PCDHGA2: variants seen among roughly 807,000 people sequenced by gnomAD.
The protein encoded by PCDHGA2 is protocadherin gamma-A2.
A neutral mutation model predicts 59.2 loss-of-function variants in PCDHGA2; 40 were observed. That is an observed-to-expected ratio of 0.68 (90% CI 0.52 to 0.88). The LOEUF (loss-of-function observed/expected upper bound fraction) is 0.88. PCDHGA2 is among the 40% of genes least tolerant of loss of function. PCDHGA2 has a pLI of 0.00. For missense variants in PCDHGA2, 1,226 were observed against 1,204.0 expected, an observed-to-expected ratio of 1.02 and a Z score of -0.27; for synonymous variants, 560 against 526.0, an observed-to-expected ratio of 1.06 and a Z score of -0.89.
intron 1 of PCDHGA2, among the ~76,000 whole-genome samples, chr5:141,467,055 C>CTTT (rs1193465269): frequency 2.2e-5 from 3 of 134,494 alleles, no homozygotes; most frequent in Admixed American, 7.5e-5. Context: ...TCAATGTTTT[C>CTTT]TTTTTTTTTT....
chr5:141,420,744 C>T (rs1202150921), intron 1 of PCDHGA2, among the ~76,000 whole-genome samples: 8 of 152,194 alleles, frequency 5.3e-5, no homozygotes, highest in Admixed American at 5.2e-4. Context: ...TCAATTGGAA[C>T]CAACTACAAC....
At chr5:141,397,546 T>C (rs576089094) in intron 1 of PCDHGA2, among the ~76,000 whole-genome samples, 2 of 152,300 alleles carry the variant, frequency 1.3e-5, no homozygotes, top group South Asian at 2.1e-4. Flanking sequence ...GAAATCAGTA[T>C]AGTATGAAGG....
At position 141,432,247 on chromosome 5, in the gene PCDHGA2, C is replaced by G. The variant is rs139910620; in HGVS notation, c.2425-62560C>G. 61 of 1,614,264 alleles carry G rather than the reference C, an allele frequency of 3.8e-5. No homozygotes were observed. The African/African-American group carries it at 6.3e-4, about 17-fold the overall frequency. On this transcript the variant is annotated intron_variant, in intron 1 of 3. Transcript: ENST00000394576. The surrounding 1 kb of genome is among the most constrained non-coding windows in gnomAD (Gnocchi z 6.0). ...CTTATTCCCTGGCTGAGAACACCAT[C>G]CAAGGGGCAAGCCTATCGTCCTACG...
At position 141,410,454 on chromosome 5, in the gene PCDHGA2, C is replaced by T. The variant is rs199849689; in HGVS notation, c.2424+69059C>T. 5,103 of 1,614,034 alleles carry T rather than the reference C, an allele frequency of 3.2e-3. 16 individuals are homozygous for T. Among genetic ancestry groups the T allele is most frequent in the Non-Finnish European group, 4.0e-3 (4,661 of 1,179,898 alleles). On this transcript the variant is annotated intron_variant, in intron 1 of 3. Transcript: ENST00000394576. ...TACAGTGAGGGGACTTTGCCTTATT[C>T]TTATAATCTGTGCATTGCACATACG... is the stretch of plus-strand genomic sequence containing the variant.
chr5:141,457,045 C>T (rs1489830197), intron 1 of PCDHGA2, among the ~76,000 whole-genome samples: 1 of 152,198 alleles, frequency 6.6e-6, no homozygotes, highest in African/African-American at 2.4e-5. Context: ...GATAGTAAAA[C>T]TTTCATGCTT....
chr5:141,368,141 G>T (rs1204786185), intron 1 of PCDHGA2, among the ~76,000 whole-genome samples: 1 of 151,994 alleles, frequency 6.6e-6, no homozygotes, highest in Non-Finnish European at 1.5e-5. Flanking sequence ...TTCAAATTTT[G>T]TACTTTTAAA....
At chr5:141,384,941 C>G in intron 1 of PCDHGA2, 1 of 1,614,104 alleles carries the variant, frequency 6.2e-7, no homozygotes, top group Non-Finnish European at 8.5e-7. Context: ...CTTGAGCCCT[C>G]CGACGGTCCT....
chr5:141,431,256 C>T lies in PCDHGA2; in HGVS notation c.2425-63551C>T. The stretch of plus-strand genomic sequence containing the variant: ...TGGGATCCGGATATCGGGAAGAACT[C>T]TCTGCAGAGCTACGAGCTCAGCCCG... On this transcript the variant is annotated intron_variant, in intron 1 of 3. Transcript: ENST00000394576. This position sits in a 1 kb window ranked among gnomAD's most constrained non-coding sequence, Gnocchi z 4.8. The T allele has an allele frequency of 6.2e-7, 1 of 1,614,194 alleles. No homozygotes were observed. Among genetic ancestry groups the T allele is most frequent in the South Asian group, 1.1e-5 (1 of 91,088 alleles).
At chr5:141,459,670 T>A (rs890411975) in intron 1 of PCDHGA2, among the ~76,000 whole-genome samples, 4 of 152,264 alleles carry the variant, frequency 2.6e-5, no homozygotes, top group African/African-American at 9.6e-5. Context: ...TACATTTTCA[T>A]GAGCAATGCA....
At chr5:141,343,875 A>G (rs1588456790) in intron 1 of PCDHGA2, 2 of 611,288 alleles carry the variant, frequency 3.3e-6, no homozygotes, top group South Asian at 5.8e-5. Flanking sequence ...AATCAGACTC[A>G]GAAGATCCGG....
chr5:141,340,930 T>G lies in PCDHGA2; in HGVS notation c.1959T>G (p.Pro653=), dbSNP rs912251215. The G allele has an allele frequency of 6.8e-6, 11 of 1,613,462 alleles. No homozygotes were observed. The highest frequency in any genetic ancestry group is 9.3e-6 in the Non-Finnish European group (11 of 1,179,844). The part of the protein sequence containing the change: ...VVAIQDHGQP[P]LSATVTLTVA... ...CCATCCAGGACCACGGCCAGCCCCCTCTCTCCGCCACTGTCACGCTCACCG... is the reference window on the plus strand; with the variant it reads ...CCATCCAGGACCACGGCCAGCCCCCGCTCTCCGCCACTGTCACGCTCACCG... Residue 653 remains proline (P), a synonymous_variant, in exon 1 of 4, where the codon CCT becomes CCG. Coordinates refer to ENST00000394576, the MANE Select transcript of PCDHGA2 (RefSeq NM_018915.4).
At chr5:141,413,357 G>A (rs2095629700) in intron 1 of PCDHGA2, 2 of 1,613,874 alleles carry the variant, frequency 1.2e-6, no homozygotes, top group South Asian at 1.1e-5. Flanking sequence ...CTGGCGCCCC[G>A]GGAGCTGGCG....
At chr5:141,356,643 T>G in intron 1 of PCDHGA2, 1 of 1,614,154 alleles carries the variant, frequency 6.2e-7, no homozygotes, top group Non-Finnish European at 8.5e-7. Context: ...ACCCTGACAG[T>G]GGTGACAATG....
intron 1 of PCDHGA2, chr5:141,356,122 G>C: frequency 6.2e-6 from 10 of 1,613,886 alleles, no homozygotes; most frequent in African/African-American, 1.3e-5. Flanking sequence ...GGGGGGTCTA[G>C]ATTATGAGGA....
intron 1 of PCDHGA2, chr5:141,398,760 C>T: frequency 6.2e-7 from 1 of 1,613,898 alleles, no homozygotes; most frequent in Non-Finnish European, 8.5e-7. Flanking sequence ...ATCGTTTAGT[C>T]CTGACTGCCT....
intron 1 of PCDHGA2, chr5:141,346,219 G>A: frequency 2.5e-6 from 4 of 1,614,202 alleles, no homozygotes; most frequent in South Asian, 1.1e-5. Context: ...CAGGCTTCGG[G>A]AGGCGGCTTG....
intron 1 of PCDHGA2, chr5:141,364,809 C>T (rs779195716): frequency 3.1e-6 from 5 of 1,613,834 alleles, no homozygotes; most frequent in Non-Finnish European, 4.2e-6. Flanking sequence ...GCGCGGGATG[C>T]GGATGTGGGT....
At chr5:141,357,096 G>C (rs1487734992) in intron 1 of PCDHGA2, 1 of 1,613,886 alleles carries the variant, frequency 6.2e-7, no homozygotes. Flanking sequence ...CACGGGCCCT[G>C]CTGGACAGAG....
intron 1 of PCDHGA2, chr5:141,412,854 A>T (rs1356959630): frequency 4.5e-6 from 1 of 223,412 alleles, no homozygotes; most frequent in African/African-American, 2.3e-5. Context: ...GAGAAACCAA[A>T]GAATCTATGT....
Sources: allele counts gnomAD v4.1 joint callset (sites outside exome capture counted in the v4.1 genomes callset), GRCh38; gene constraint gnomAD v4.1.1; non-coding constraint Gnocchi (gnomAD v3.1); transcripts MANE v1.5; gene names NCBI Gene and HGNC (gene_info 2026-07-23, HGNC 2026-07-21).